HCN1: variants seen among roughly 807,000 people sequenced by gnomAD.
HCN1 encodes hyperpolarization activated cyclic nucleotide gated potassium channel 1, also known as potassium/sodium hyperpolarization-activated cyclic nucleotide-gated channel 1.
Under a neutral mutation model 78.9 loss-of-function variants are expected in HCN1, and 13 were observed. The ratio of observed to expected loss-of-function variants is 0.16; its 90% CI spans 0.11 to 0.26. The LOEUF (loss-of-function observed/expected upper bound fraction) is 0.26, where lower values mean the gene tolerates loss of function less well. HCN1 is among the 10% of genes least tolerant of loss of function. The pLI is 1.00. For synonymous variants in HCN1, 552 were observed against 455.5 expected (o/e 1.21, Z -2.70); for missense variants, 810 against 1,154.3 (o/e 0.70, Z 4.32).
At chr5:45,589,640 T>G (rs1399196270) in intron 2 of HCN1, among the ~76,000 whole-genome samples, 2 of 152,246 alleles carry the variant, frequency 1.3e-5, no homozygotes, top group Admixed American at 6.5e-5. Context: ...GAGTAAAGTT[T>G]GCCTTGTCCT....
chr5:45,418,519 T>G (rs1195428319), intron 3 of HCN1, among the ~76,000 whole-genome samples: 1 of 151,590 alleles, frequency 6.6e-6, no homozygotes, highest in African/African-American at 2.4e-5. Flanking sequence ...ACATGCAGCT[T>G]TTAAGATCAA....
At chr5:45,482,807 G>A (rs889715916) in intron 2 of HCN1, among the ~76,000 whole-genome samples, 2 of 151,998 alleles carry the variant, frequency 1.3e-5, no homozygotes, top group Non-Finnish European at 2.9e-5. Context: ...GCACATTTAT[G>A]TTCATGTGTG....
chr5:45,305,517 A>G (rs1447626803), intron 5 of HCN1, among the ~76,000 whole-genome samples: 1 of 152,154 alleles, frequency 6.6e-6, no homozygotes, highest in Non-Finnish European at 1.5e-5. Context: ...ATTCAAATCA[A>G]AATACACACT....
chr5:45,648,211 C>G (rs1284913796), intron 1 of HCN1, among the ~76,000 whole-genome samples: 3 of 152,146 alleles, frequency 2.0e-5, no homozygotes, highest in African/African-American at 4.8e-5. Flanking sequence ...ATGAAAAATA[C>G]TCATTTCTAC....
chr5:45,427,796 T>C (rs1157094769), intron 3 of HCN1, among the ~76,000 whole-genome samples: 1 of 151,846 alleles, frequency 6.6e-6, no homozygotes, highest in Non-Finnish European at 1.5e-5. Context: ...TGTTTTTATG[T>C]CATGTAGCAT....
At chr5:45,513,618 T>C (rs1339874142) in intron 2 of HCN1, among the ~76,000 whole-genome samples, 1 of 152,186 alleles carries the variant, frequency 6.6e-6, no homozygotes, top group Non-Finnish European at 1.5e-5. Flanking sequence ...TGGCATGTGA[T>C]TCTCACAGGA....
At chr5:45,353,579 T>C (rs1746953689) in intron 4 of HCN1, among the ~76,000 whole-genome samples, 1 of 151,996 alleles carries the variant, frequency 6.6e-6, no homozygotes, top group African/African-American at 2.4e-5. Context: ...TTTTTTAAAT[T>C]GAGTTCTAAA....
intron 2 of HCN1, among the ~76,000 whole-genome samples, chr5:45,462,438 C>T (rs1016793681): frequency 6.6e-6 from 1 of 151,916 alleles, no homozygotes; most frequent in African/African-American, 2.4e-5. Flanking sequence ...GGACTGAAAA[C>T]CATATGCCAA....
Position 45,267,096 on chromosome 5 carries a change from A to T in HCN1, c.1776T>A (p.Asp592Glu). ...AFETVAIDRLDRIGKKNSILL... is the reference protein window; with the variant it reads ...AFETVAIDRLERIGKKNSILL... The stretch of plus-strand genomic sequence containing the variant: ...GGTAGAAAACTAGAGTACCTATTCG[A>T]TCTAGTCGGTCAATGGCAACTGTCT... Residue 592 changes from aspartate (D) to glutamate (E), a missense_variant, in exon 7 of 8, where the codon GAT becomes GAA. Coordinates refer to ENST00000303230, the MANE Select transcript of HCN1 (RefSeq NM_021072.4). 6.2e-7 allele frequency: 1 copy of T among 1,611,888 alleles called. No individual in the cohort carries two copies. Among genetic ancestry groups the T allele is most frequent in the South Asian group, 1.1e-5 (1 of 91,020 alleles).
At chr5:45,647,054 A>G (rs1745562715) in intron 1 of HCN1, among the ~76,000 whole-genome samples, 1 of 152,150 alleles carries the variant, frequency 6.6e-6, no homozygotes, top group South Asian at 2.1e-4. Flanking sequence ...TCCTGAAATA[A>G]AAGTACTAGT....
chr5:45,676,823 T>A (rs184785616), intron 1 of HCN1, among the ~76,000 whole-genome samples: 1 of 151,808 alleles, frequency 6.6e-6, no homozygotes, highest in Non-Finnish European at 1.5e-5. Context: ...AAGGTTGTGA[T>A]GACACATTAT....
At chr5:45,549,087 A>G (rs1218014144) in intron 2 of HCN1, among the ~76,000 whole-genome samples, 1 of 151,918 alleles carries the variant, frequency 6.6e-6, no homozygotes, top group Non-Finnish European at 1.5e-5. Context: ...TAATTTATAG[A>G]TTCAATGCCA....
At chr5:45,326,101 T>A (rs1247244313) in intron 5 of HCN1, among the ~76,000 whole-genome samples, 1 of 151,584 alleles carries the variant, frequency 6.6e-6, no homozygotes, top group Non-Finnish European at 1.5e-5. Context: ...ATTTTTAAAG[T>A]ATTTGAAAAC....
At chr5:45,301,359 T>C (rs1169075581) in intron 6 of HCN1, among the ~76,000 whole-genome samples, 2 of 151,332 alleles carry the variant, frequency 1.3e-5, no homozygotes, top group African/African-American at 4.8e-5. Context: ...TAAAATATAA[T>C]AAATTATAAT....
chr5:45,531,792 C>A (rs1222027730), intron 2 of HCN1, among the ~76,000 whole-genome samples: 4 of 152,086 alleles, frequency 2.6e-5, no homozygotes, highest in Non-Finnish European at 5.9e-5. Flanking sequence ...GTAATCCAAG[C>A]ACTTTGGGAG....
At chr5:45,495,429 G>T (rs1357542138) in intron 2 of HCN1, among the ~76,000 whole-genome samples, 1 of 147,538 alleles carries the variant, frequency 6.8e-6, no homozygotes, top group African/African-American at 2.5e-5. Flanking sequence ...AAGAATGCTT[G>T]TGATTTTTGT....
chr5:45,372,148 A>G (rs1183343708), intron 4 of HCN1, among the ~76,000 whole-genome samples: 2 of 57,780 alleles, frequency 3.5e-5, no homozygotes, highest in East Asian at 7.8e-4. Flanking sequence ...ATAATATATT[A>G]TATAATATGT....
chr5:45,321,307 A>G (rs968445949), intron 5 of HCN1, among the ~76,000 whole-genome samples: 2 of 151,818 alleles, frequency 1.3e-5, no homozygotes, highest in African/African-American at 4.8e-5. Context: ...TTCCTGGGGG[A>G]AAAACAACGT....
intron 3 of HCN1, among the ~76,000 whole-genome samples, chr5:45,419,552 A>G (rs1163904491): frequency 6.6e-6 from 1 of 152,152 alleles, no homozygotes; most frequent in Non-Finnish European, 1.5e-5. Context: ...TGTCCCTCCA[A>G]ATCTGTTCTT....
Sources: gnomAD v4.1 joint callset for allele counts (sites outside exome capture counted in the v4.1 genomes callset) on GRCh38, gnomAD v4.1.1 for gene constraint, MANE v1.5 for transcripts, NCBI Gene and HGNC (gene_info 2026-07-23, HGNC 2026-07-21) for gene names.